XRRA1: variants seen among roughly 807,000 people sequenced by gnomAD.
XRRA1 encodes X-ray radiation resistance associated 1.
XRRA1 carries 69 observed loss-of-function variants against 80.2 expected under a neutral mutation model. The observed-to-expected ratio is 0.86, with a 90% CI of 0.71 to 1.05. The LOEUF (loss-of-function observed/expected upper bound fraction) is 1.05. Among genes scored for constraint, XRRA1 ranks in the 50% least tolerant of loss-of-function variants. XRRA1 has a pLI of 0.00. For missense variants in XRRA1, 967 were observed against 976.4 expected (o/e 0.99, Z 0.13); for synonymous variants, 348 against 389.9 (o/e 0.89, Z 1.27).
intron 9 of XRRA1, among the ~76,000 whole-genome samples, 199 bp from the exon 10 acceptor site, chr11:74,906,655 G>T: frequency 6.6e-6 from 1 of 152,074 alleles, no homozygotes; most frequent in East Asian, 1.9e-4. Context: ...AACCTTTCAG[G>T]GTTCTTGTGA....
intron 7 of XRRA1, among the ~76,000 whole-genome samples, chr11:74,924,317 T>C (rs1941685739): frequency 6.7e-6 from 1 of 148,306 alleles, no homozygotes; most frequent in East Asian, 2.1e-4. Context: ...CTACTAAAAA[T>C]ACAAAAATTA....
intron 7 of XRRA1, among the ~76,000 whole-genome samples, chr11:74,926,049 A>G (rs1249057909): frequency 3.3e-5 from 5 of 152,218 alleles, no homozygotes; most frequent in Non-Finnish European, 7.3e-5. Context: ...CAGTTGTTGT[A>G]AACTTACTTT....
chr11:74,863,409 A>G (rs529437739), intron 10 of XRRA1: 26 of 206,990 alleles, frequency 1.3e-4, no homozygotes, highest in Non-Finnish European at 2.9e-5. Flanking sequence ...GTCCATACTG[A>G]GCAGAAAGCT....
chr11:74,894,022 T>A (rs2137480650), intron 10 of XRRA1, among the ~76,000 whole-genome samples: 1 of 152,262 alleles, frequency 6.6e-6, no homozygotes, highest in Non-Finnish European at 1.5e-5. Context: ...GTAGACTGGA[T>A]GAAGAAAATG....
At chr11:74,914,124 T>G (rs1937671854) in intron 8 of XRRA1, among the ~76,000 whole-genome samples, 1 of 152,196 alleles carries the variant, frequency 6.6e-6, no homozygotes, top group Non-Finnish European at 1.5e-5. Context: ...TAGCTGGGAT[T>G]ACAGGCGCCC....
At chr11:74,873,024 A>C (rs577577469) in intron 10 of XRRA1, among the ~76,000 whole-genome samples, 1 of 152,170 alleles carries the variant, frequency 6.6e-6, no homozygotes, top group African/African-American at 2.4e-5. Flanking sequence ...TTTAGCTTGC[A>C]TGGGGGCCAG....
intron 4 of XRRA1, among the ~76,000 whole-genome samples, chr11:74,936,136 G>A (rs1165576848): frequency 6.6e-6 from 1 of 152,212 alleles, no homozygotes. Flanking sequence ...GGAGTTCTTA[G>A]GGAGCTATGA....
intron 12 of XRRA1, among the ~76,000 whole-genome samples, chr11:74,858,056 G>T (rs927292039): frequency 6.6e-6 from 1 of 152,182 alleles, no homozygotes; most frequent in Non-Finnish European, 1.5e-5. Context: ...GCGAGAAAAA[G>T]AGGAGCAAAT....
At position 74,851,149 on chromosome 11, in the gene XRRA1, A is replaced by G; in HGVS notation, c.1319T>C (p.Ile440Thr). ...FLQERLGIHL[I>T]RRKIVKPKHH... ...CTTAGGCTTTACTATCTTCCTTCGA[A>G]TTAAGTGGATTCCCAGTCGCTCCTG... is the stretch of plus-strand genomic sequence containing the variant. Residue 440 changes from isoleucine (I) to threonine (T), a missense_variant, in exon 14 of 19, where the codon ATT becomes ACT. By Grantham distance (89) the Ile-to-Thr change is moderately conservative (BLOSUM62 -1). Coordinates refer to ENST00000684022, the MANE Select transcript of XRRA1 (RefSeq NM_001378157.1). 1 of 1,613,174 alleles carries G rather than the reference A, an allele frequency of 6.2e-7. No homozygotes were observed.
At chr11:74,871,224 A>G (rs2044700983) in intron 10 of XRRA1, among the ~76,000 whole-genome samples, 1 of 152,170 alleles carries the variant, frequency 6.6e-6, no homozygotes, top group East Asian at 1.9e-4. Flanking sequence ...CTCTAGATCC[A>G]TGCCTGAGGG....
Position 74,841,516 on chromosome 11 carries a change from T to A in XRRA1, c.*1684A>T, listed in dbSNP as rs1458242521. On this transcript the variant is annotated 3_prime_UTR_variant, in exon 19 of 19. Coordinates refer to ENST00000684022, the MANE Select transcript of XRRA1 (RefSeq NM_001378157.1). The stretch of plus-strand genomic sequence containing the variant: ...GATGTGCAGATTGTTCTATGTATTA[T>A]CAGTATTTTTTTCCTCTTAAGAAAA... 6.6e-6 allele frequency: 1 copy of A among 152,194 alleles called. No individual in the cohort carries two copies. Among genetic ancestry groups the A allele is most frequent in the Admixed American group, 6.5e-5 (1 of 15,270 alleles). The allele number at this position is 152,194 out of a possible 1,614,324, so 9.4% of individuals were successfully genotyped here.
At chr11:74,916,523 T>A (rs1317383175) in intron 8 of XRRA1, among the ~76,000 whole-genome samples, 1 of 152,194 alleles carries the variant, frequency 6.6e-6, no homozygotes, top group Admixed American at 6.5e-5. Context: ...AGGTTGTCTA[T>A]CTCTTTGTTG....
chr11:74,859,593 C>G (rs2041896092), intron 11 of XRRA1, among the ~76,000 whole-genome samples: 1 of 152,152 alleles, frequency 6.6e-6, no homozygotes, highest in South Asian at 2.1e-4. Context: ...GTCCCCACCC[C>G]CTCCCTCTAC....
chr11:74,871,274 C>T (rs547133765), intron 10 of XRRA1, among the ~76,000 whole-genome samples: 103 of 152,224 alleles, frequency 6.8e-4, no homozygotes, highest in African/African-American at 2.3e-3. Context: ...TAACAGATGC[C>T]GAGGCTCAGG....
chr11:74,848,172 G>A lies in XRRA1; in HGVS notation c.1671C>T (p.Ser557=). 2 of 1,613,570 alleles carry A rather than the reference G, an allele frequency of 1.2e-6. No homozygotes were observed. Among genetic ancestry groups the A allele is most frequent in the Non-Finnish European group, 8.5e-7 (1 of 1,179,876 alleles). The change falls in exon 15 of 19, where the codon AGC becomes AGT. Residue 557 remains serine (S), a synonymous_variant. Transcript: ENST00000684022. ...SHLSDTTVRL[S]PERPSDEDSK... ...AGTCCTCATCTGATGGGCGCTCTGGGCTGAGGCGGACAGTTGTGTCACTCA... is the reference window on the plus strand; with the variant it reads ...AGTCCTCATCTGATGGGCGCTCTGGACTGAGGCGGACAGTTGTGTCACTCA...
At chr11:74,940,168 T>G (rs1271374011) in intron 3 of XRRA1, among the ~76,000 whole-genome samples, 3 of 152,234 alleles carry the variant, frequency 2.0e-5, no homozygotes, top group Admixed American at 6.5e-5. Flanking sequence ...GTGTTTCACC[T>G]ATAGGGCTCT....
intron 10 of XRRA1, among the ~76,000 whole-genome samples, chr11:74,894,649 G>A (rs542458242): frequency 2.4e-4 from 36 of 152,228 alleles, no homozygotes; most frequent in African/African-American, 8.4e-4. Context: ...GAACAACATG[G>A]GGAGAACTGC....
At chr11:74,907,008 A>T in intron 9 of XRRA1, 137 bp downstream of exon 9, 1 of 1,206,244 alleles carries the variant, frequency 8.3e-7, no homozygotes, top group East Asian at 2.4e-5. Flanking sequence ...GAAATGACTT[A>T]CCCATGGCCA....
intron 15 of XRRA1, among the ~76,000 whole-genome samples, chr11:74,845,729 C>T (rs1031785342): frequency 6.6e-6 from 1 of 152,218 alleles, no homozygotes; most frequent in Non-Finnish European, 1.5e-5. Flanking sequence ...TAGGCAACTG[C>T]AGTGGTAAGC....
Sources: allele counts gnomAD v4.1 joint callset (sites outside exome capture counted in the v4.1 genomes callset), GRCh38; gene constraint gnomAD v4.1.1; transcripts MANE v1.5; gene names NCBI Gene and HGNC (gene_info 2026-07-23, HGNC 2026-07-21).